AOPEP: variants seen among roughly 807,000 people sequenced by gnomAD.
AOPEP encodes the protein aminopeptidase O.
In AOPEP, 77 loss-of-function variants were observed where a neutral mutation model predicts 98.1. The ratio of observed to expected loss-of-function variants is 0.78; its 90% CI spans 0.65 to 0.95. The LOEUF (loss-of-function observed/expected upper bound fraction) is 0.95, where lower values mean the gene tolerates loss of function less well. Ranked by LOEUF, AOPEP falls within the 40% of genes least tolerant of loss-of-function variation. The pLI, the probability that AOPEP is intolerant of heterozygous loss-of-function variation, is 0.00. For synonymous variants in AOPEP, 346 were observed against 365.3 expected (o/e 0.95, Z 0.60); for missense variants, 1,024 against 1,024.7 (o/e 1.00, Z 0.01).
chr9:94,939,856 G>T (rs540682401), intron 7 of AOPEP, among the ~76,000 whole-genome samples: 2 of 152,092 alleles, frequency 1.3e-5, no homozygotes. Flanking sequence ...TGTATCTGGG[G>T]GTTCTACATC....
the AOPEP span, chr9:95,126,487 C>CT: frequency 1.3e-6 from 2 of 1,584,438 alleles, no homozygotes; most frequent in Admixed American, 1.7e-5. Flanking sequence ...GAAATGGAAC[C>CT]TTTTTTACAT....
chr9:94,779,025 T>TAAAAAAA (rs762744498), intron 3 of AOPEP, among the ~76,000 whole-genome samples: 3 of 140,468 alleles, frequency 2.1e-5, no homozygotes, highest in Admixed American at 7.2e-5. Context: ...TGATACTGTC[T>TAAAAAAA]AAAAAAAAAA....
At chr9:95,004,944 C>CCGCGCCGCCGCCCAGGCCCCGCG (rs1421201439) in intron 11 of AOPEP, 9 of 145,780 alleles carry the variant, frequency 6.2e-5, no homozygotes, top group African/African-American at 2.2e-4. Context: ...GCCCGCCCGC[C>CCGCGCCGCCGCCCAGGCCCCGCG]CGCGCCGCCG....
intron 10 of AOPEP, among the ~76,000 whole-genome samples, chr9:94,975,845 C>T (rs1457083401): frequency 2.0e-5 from 3 of 152,230 alleles, no homozygotes; most frequent in Admixed American, 6.5e-5. Flanking sequence ...GCAGAGTCCC[C>T]GCAGGACCCG....
At chr9:94,951,449 T>C (rs139129582) in intron 7 of AOPEP, among the ~76,000 whole-genome samples, 11 of 152,334 alleles carry the variant, frequency 7.2e-5, no homozygotes, top group Non-Finnish European at 1.3e-4. Context: ...TGGTCTTCTC[T>C]AGGACTCACT....
At chr9:94,894,086 A>G (rs926026865) in intron 5 of AOPEP, among the ~76,000 whole-genome samples, 2 of 152,206 alleles carry the variant, frequency 1.3e-5, no homozygotes, top group Admixed American at 6.5e-5. Flanking sequence ...AGAAAACAAT[A>G]TATAGCTCAA....
intron 5 of AOPEP, among the ~76,000 whole-genome samples, chr9:94,910,969 A>G (rs1230988070): frequency 6.6e-6 from 1 of 152,178 alleles, no homozygotes; most frequent in Non-Finnish European, 1.5e-5. Context: ...AGGGTTTATG[A>G]TACAGTATCT....
chr9:94,938,198 A>AT (rs2056564935), intron 7 of AOPEP, among the ~76,000 whole-genome samples: 1 of 152,182 alleles, frequency 6.6e-6, no homozygotes, highest in African/African-American at 2.4e-5. Flanking sequence ...TGGTCCAACC[A>AT]AATACATATC....
intron 13 of AOPEP, among the ~76,000 whole-genome samples, chr9:95,012,520 C>T (rs2062608886): frequency 6.6e-6 from 1 of 152,110 alleles, no homozygotes. Context: ...CAGTCATTCT[C>T]ATCGACATTT....
the AOPEP span, chr9:95,113,679 G>C: frequency 6.6e-6 from 1 of 151,218 alleles, no homozygotes; most frequent in South Asian, 2.1e-4. Flanking sequence ...CTGGAGTGCA[G>C]TGGCACGATC....
the AOPEP span, among the ~76,000 whole-genome samples, chr9:95,148,708 T>C: frequency 6.6e-6 from 1 of 152,232 alleles, no homozygotes; most frequent in Non-Finnish European, 1.5e-5. Context: ...TGCATAATGC[T>C]ACAAAATTAT....
intron 5 of AOPEP, among the ~76,000 whole-genome samples, chr9:94,903,361 C>G (rs2050680912): frequency 6.6e-6 from 1 of 152,006 alleles, no homozygotes; most frequent in Admixed American, 6.5e-5. Flanking sequence ...TTTCAAAGAT[C>G]ATAACAGGCA....
rs560929463 is a variant in AOPEP at position 94,972,222 on chromosome 9, C to A, written c.1916+4421C>A. On this transcript the variant is annotated intron_variant, in intron 10 of 16. Transcript: ENST00000375315. The surrounding 1 kb of genome is among the most constrained non-coding windows in gnomAD (Gnocchi z 4.2). ...GTTGTGAAAGTTGAGTCCGACCTTTCTTTCTTAGCCACTAAGTCACACTCT... is the reference window on the plus strand; with the variant it reads ...GTTGTGAAAGTTGAGTCCGACCTTTATTTCTTAGCCACTAAGTCACACTCT... Among the ~76,000 whole-genome samples the A allele has an allele frequency of 6.6e-6, 1 of 152,234 alleles. No homozygotes were observed.
At chr9:94,775,529 A>G (rs1454298922) in intron 3 of AOPEP, among the ~76,000 whole-genome samples, 2 of 151,886 alleles carry the variant, frequency 1.3e-5, no homozygotes, top group Non-Finnish European at 2.9e-5. Flanking sequence ...ACCATGCCCA[A>G]CTAATTTTTG....
At chr9:94,938,397 A>G (rs570694487) in intron 7 of AOPEP, among the ~76,000 whole-genome samples, 1 of 152,288 alleles carries the variant, frequency 6.6e-6, no homozygotes, top group East Asian at 1.9e-4. Flanking sequence ...TAGATAGGTA[A>G]TCCTAGGCTA....
At chr9:94,931,846 T>A in intron 7 of AOPEP, 1 of 1,488,938 alleles carries the variant, frequency 6.7e-7, no homozygotes. Flanking sequence ...TCTGTGTGTC[T>A]TACTCTCCTT....
chr9:94,825,705 G>A (rs1455228256), intron 5 of AOPEP, among the ~76,000 whole-genome samples: 5 of 152,156 alleles, frequency 3.3e-5, no homozygotes, highest in African/African-American at 4.8e-5. Flanking sequence ...TGATGCTACC[G>A]TGGAAGAGAG....
chr9:94,917,868 A>G (rs1171407210), intron 5 of AOPEP, among the ~76,000 whole-genome samples: 1 of 151,506 alleles, frequency 6.6e-6, no homozygotes, highest in African/African-American at 2.4e-5. Flanking sequence ...TTCTTCCCTC[A>G]TCTTTCTATC....
At chr9:94,786,782 G>A (rs1398959438) in intron 3 of AOPEP, among the ~76,000 whole-genome samples, 1 of 152,244 alleles carries the variant, frequency 6.6e-6, no homozygotes, top group African/African-American at 2.4e-5. Context: ...CAGGCAAGAA[G>A]CCCAGGGCCA....
Sources: allele counts gnomAD v4.1 joint callset (sites outside exome capture counted in the v4.1 genomes callset), GRCh38; gene constraint gnomAD v4.1.1; non-coding constraint Gnocchi (gnomAD v3.1); transcripts MANE v1.5; gene names NCBI Gene and HGNC (gene_info 2026-07-23, HGNC 2026-07-21).